Variants in EBF3 observed in about 807,000 individuals in gnomAD.
EBF3 encodes EBF transcription factor 3.
In EBF3, 18 loss-of-function variants were observed where a neutral mutation model predicts 77.1. That is an observed-to-expected ratio of 0.23 (90% CI 0.16 to 0.35). The LOEUF (loss-of-function observed/expected upper bound fraction) is 0.35, where lower values mean the gene tolerates loss of function less well. EBF3 is among the 10% of genes least tolerant of loss of function. The pLI, the probability that EBF3 is intolerant of heterozygous loss-of-function variation, is 1.00. For missense variants in EBF3, 558 were observed against 860.0 expected (o/e 0.65, Z 4.39); for synonymous variants, 350 against 343.5 (o/e 1.02, Z -0.21).
Position 129,848,364 on chromosome 10 carries a change from G to GCACCC in EBF3, c.1128+27_1128+28insGGGTG. 1.2e-6 allele frequency: 2 copies of GCACCC among 1,607,762 alleles called. No homozygotes were observed. Among genetic ancestry groups the GCACCC allele is most frequent in the Non-Finnish European group, 1.7e-6 (2 of 1,174,236 alleles). On this transcript the variant is annotated intron_variant, in intron 11 of 16. Coordinates refer to ENST00000440978, the MANE Select transcript of EBF3 (RefSeq NM_001375380.1). This position sits in a 1 kb window ranked among gnomAD's most constrained non-coding sequence, Gnocchi z 4.4. ...CAGCCCAGTGGCGGCCCCACCATGA[G>GCACCC]CGGGGTGCCACTTGCTCTTTTACTA...
At chr10:129,849,457 T>C (rs1233802541) in intron 10 of EBF3, among the ~76,000 whole-genome samples, 1 of 152,212 alleles carries the variant, frequency 6.6e-6, no homozygotes, top group East Asian at 1.9e-4. Flanking sequence ...TCATTAGTAA[T>C]TTGATGATTA....
At chr10:129,860,030 T>C (rs1329824886) in intron 10 of EBF3, among the ~76,000 whole-genome samples, 1 of 152,156 alleles carries the variant, frequency 6.6e-6, no homozygotes, top group East Asian at 1.9e-4. Context: ...CTGTGGGAGT[T>C]GTGGCTGGAG....
At chr10:129,926,487 C>A (rs1321767149) in intron 6 of EBF3, among the ~76,000 whole-genome samples, 1 of 152,158 alleles carries the variant, frequency 6.6e-6, no homozygotes, top group Non-Finnish European at 1.5e-5. Flanking sequence ...TTAGGACAAT[C>A]CGCGGTGCAT....
rs1287821111 is a variant in EBF3 at position 129,835,686 on chromosome 10, T to TA, written c.*2256dup. On this transcript the variant is annotated 3_prime_UTR_variant, in exon 17 of 17. Transcript: ENST00000440978. ...GACTCCTGGGGACATTCTGTTTATT[T>TA]AATTTTGTCCCTAGAATGAACACTT... 1.3e-5 allele frequency: 2 copies of TA among 152,342 alleles called. No individual in the cohort carries two copies. Among genetic ancestry groups the TA allele is most frequent in the Non-Finnish European group, 2.9e-5 (2 of 68,024 alleles). 9.4% of individuals were successfully genotyped at this position (152,342 alleles called of 1,614,324 possible). A position where few individuals can be genotyped will look rare whatever the true frequency, so the allele number is the denominator to read the frequency against.
Position 129,943,207 on chromosome 10 carries a change from C to T in EBF3, c.554+14051G>A, listed in dbSNP as rs915298243. On this transcript the variant is annotated intron_variant, in intron 6 of 16. Coordinates refer to ENST00000440978, the MANE Select transcript of EBF3 (RefSeq NM_001375380.1). This position sits in a 1 kb window ranked among gnomAD's most constrained non-coding sequence, Gnocchi z 8.8. Reference sequence around the variant, plus strand: ...CTCTTCATTGGGGCCAGGCCTGACCCGGCCTTCCCAGTTGGAGGGGATTTC... The same window carrying T: ...CTCTTCATTGGGGCCAGGCCTGACCTGGCCTTCCCAGTTGGAGGGGATTTC... Among the ~76,000 whole-genome samples, 1 of 152,198 alleles carries T rather than the reference C, an allele frequency of 6.6e-6. No homozygotes were observed. The highest frequency in any genetic ancestry group is 2.4e-5 in the African/African-American group (1 of 41,446).
chr10:129,860,610 C>A (rs974978059), intron 10 of EBF3, among the ~76,000 whole-genome samples: 1 of 152,152 alleles, frequency 6.6e-6, no homozygotes, highest in African/African-American at 2.4e-5. Context: ...CGACCAAAGC[C>A]CCCTCGGATG....
At chr10:129,912,018 ACG>A (rs1855559536) in intron 6 of EBF3, among the ~76,000 whole-genome samples, 1 of 152,188 alleles carries the variant, frequency 6.6e-6, no homozygotes, top group Admixed American at 6.5e-5. Context: ...CCGGGTGTGC[ACG>A]TCCACCTGCG....
chr10:129,873,537 C>T lies in EBF3; in HGVS notation c.696G>A (p.Met232Ile). 1 of 1,591,720 alleles carries T rather than the reference C, an allele frequency of 6.3e-7. No individual in the cohort carries two copies. The highest frequency in any genetic ancestry group is 8.6e-7 in the Non-Finnish European group (1 of 1,166,400). Reference sequence around the variant, plus strand: ...CGTGTTTGGAATTGTTGTGCACAAACATGTTGTCTGACACGGCCAGCACGT... The same window carrying T: ...CGTGTTTGGAATTGTTGTGCACAAATATGTTGTCTGACACGGCCAGCACGT... ...DGHVLAVSDN[M>I]FVHNNSKHGR... Residue 232 changes from methionine (M) to isoleucine (I), a missense_variant, in exon 8 of 17, where the codon ATG (methionine) becomes ATA (isoleucine). Around this residue, in one of 5 missense-constraint regions of EBF3, gnomAD observed 112 missense variants for 207.7 expected, o/e 0.54. Coordinates refer to ENST00000440978, the MANE Select transcript of EBF3 (RefSeq NM_001375380.1).
In EBF3 at chr10:129,952,767, A is replaced by C. The variant is rs1858761719; in HGVS notation, c.554+4491T>G. Reference sequence around the variant, plus strand: ...CTGTTTGTAAGGCTTGGTAATAATCATACATAATCGTTTGGAAATATAGCT... The same window carrying C: ...CTGTTTGTAAGGCTTGGTAATAATCCTACATAATCGTTTGGAAATATAGCT... On this transcript the variant is annotated intron_variant, in intron 6 of 16. Coordinates refer to ENST00000440978, the MANE Select transcript of EBF3 (RefSeq NM_001375380.1). The surrounding 1 kb of genome is among the most constrained non-coding windows in gnomAD (Gnocchi z 4.7). Among the ~76,000 whole-genome samples the C allele has an allele frequency of 6.6e-6, 1 of 152,218 alleles. No homozygotes were observed. The highest frequency in any genetic ancestry group is 2.1e-4 in the South Asian group (1 of 4,838).
chr10:129,922,111 G>A (rs1049617160), intron 6 of EBF3, among the ~76,000 whole-genome samples: 1 of 152,192 alleles, frequency 6.6e-6, no homozygotes, highest in African/African-American at 2.4e-5. Flanking sequence ...GCTCATGCCA[G>A]CCCTGCCTCG....
chr10:129,868,568 T>C (rs1852189903), intron 8 of EBF3, among the ~76,000 whole-genome samples: 2 of 151,670 alleles, frequency 1.3e-5, no homozygotes, highest in Non-Finnish European at 2.9e-5. Context: ...GTTATTACAA[T>C]GGTGCTGCTG....
chr10:129,937,509 G>A (rs1438337617), intron 6 of EBF3, among the ~76,000 whole-genome samples: 3 of 152,152 alleles, frequency 2.0e-5, no homozygotes, highest in African/African-American at 7.2e-5. Flanking sequence ...CACACAACCT[G>A]TGGGGGTCTG....
intron 6 of EBF3, among the ~76,000 whole-genome samples, chr10:129,907,984 A>T (rs1013139233): frequency 6.6e-6 from 1 of 152,108 alleles, no homozygotes; most frequent in Non-Finnish European, 1.5e-5. Context: ...GCTGGCCGGG[A>T]CCCCACTGAG....
chr10:129,871,054 C>G (rs1339112281), intron 8 of EBF3, among the ~76,000 whole-genome samples: 1 of 152,186 alleles, frequency 6.6e-6, no homozygotes, highest in Non-Finnish European at 1.5e-5. Context: ...ATACCTTTAC[C>G]TCTCCTAGGG....
intron 7 of EBF3, among the ~76,000 whole-genome samples, chr10:129,877,184 A>G (rs1189006550): frequency 1.3e-5 from 2 of 151,962 alleles, no homozygotes; most frequent in Admixed American, 6.6e-5. Flanking sequence ...CAATCCCTCA[A>G]TCAATCCCAA....
chr10:129,890,654 A>ACTTCC (rs1375167711), intron 6 of EBF3, among the ~76,000 whole-genome samples: 1 of 152,360 alleles, frequency 6.6e-6, no homozygotes, highest in African/African-American at 2.4e-5. Context: ...ATGCTAAGCA[A>ACTTCC]CTTCCCCTAA....
chr10:129,878,029 T>C (rs958661961), intron 6 of EBF3, among the ~76,000 whole-genome samples, 180 bp from the exon 7 acceptor site: 1 of 151,986 alleles, frequency 6.6e-6, no homozygotes, highest in Admixed American at 6.6e-5. Flanking sequence ...CACCCAGAAA[T>C]AGCCACACAG....
In EBF3 at chr10:129,842,109, G is replaced by A; in HGVS notation, c.1372+7C>T. On this transcript the variant is annotated splice_region_variant and intron_variant, in intron 13 of 16. Transcript: ENST00000440978. This position sits in a 1 kb window ranked among gnomAD's most constrained non-coding sequence, Gnocchi z 4.4. ...AGGGCAGGGGTCCTCCCAGCATGCT[G>A]GCATACCTTGGTCGTTGGCTTGTGA... 1.9e-6 allele frequency: 3 copies of A among 1,614,184 alleles called. No individual in the cohort carries two copies. The highest frequency in any genetic ancestry group is 2.5e-6 in the Non-Finnish European group (3 of 1,180,038).
At chr10:129,933,925 A>C (rs1473477548) in intron 6 of EBF3, among the ~76,000 whole-genome samples, 3 of 151,816 alleles carry the variant, frequency 2.0e-5, no homozygotes, top group African/African-American at 7.3e-5. Context: ...CTCCCCCTCC[A>C]GCAGCTTCAC....
Sources: gnomAD v4.1 joint callset for allele counts (sites outside exome capture counted in the v4.1 genomes callset) on GRCh38, gnomAD v4.1.1 for gene constraint, gnomAD v4.1.1 regional missense constraint, Gnocchi (gnomAD v3.1) non-coding constraint, MANE v1.5 for transcripts, NCBI Gene and HGNC (gene_info 2026-07-23, HGNC 2026-07-21) for gene names.